CSPG5: variants seen among roughly 807,000 people sequenced by gnomAD.
CSPG5 encodes the protein chondroitin sulfate proteoglycan 5, also known as acidic leucine-rich EGF-like domain-containing brain protein.
CSPG5 carries 25 observed loss-of-function variants against 39.8 expected under a neutral mutation model. That is an observed-to-expected ratio of 0.63 (90% confidence interval 0.46 to 0.88). The LOEUF (loss-of-function observed/expected upper bound fraction) is 0.88, where lower values mean the gene tolerates loss of function less well. Among genes scored for constraint, CSPG5 ranks in the 40% least tolerant of loss-of-function variants. The probability of loss-of-function intolerance (pLI) is 0.00; values close to 1 mark genes in which losing one functional copy is unlikely to be tolerated. For synonymous variants in CSPG5, 295 were observed against 303.9 expected, an observed-to-expected ratio of 0.97 and a Z score of 0.31; for missense variants, 627 against 702.2, an observed-to-expected ratio of 0.89 and a Z score of 1.21.
rs2031105190 is a variant in CSPG5 at position 47,562,299 on chromosome 3, G to C, written c.*301C>G. 1 of 246,190 alleles carries C rather than the reference G, an allele frequency of 4.1e-6. No individual in the cohort carries two copies. 15.3% of individuals were successfully genotyped at this position (246,190 alleles called of 1,614,324 possible). ...TTTTACTGGTATTTCAAAAAAACGT[G>C]GGTCAAAGTACAAAAAAAAGTCAGT... is the stretch of plus-strand genomic sequence containing the variant. On this transcript the variant is annotated 3_prime_UTR_variant, in exon 5 of 5. Transcript: ENST00000264723.
chr3:47,570,636 T>G (rs1017793273), intron 3 of CSPG5, among the ~76,000 whole-genome samples: 2 of 151,764 alleles, frequency 1.3e-5, no homozygotes, highest in African/African-American at 4.8e-5. Flanking sequence ...GCCTCCCGAG[T>G]AGCTGGGATT....
intron 3 of CSPG5, among the ~76,000 whole-genome samples, chr3:47,570,054 C>A (rs536271407): frequency 6.6e-6 from 1 of 151,866 alleles, no homozygotes; most frequent in Non-Finnish European, 1.5e-5. Context: ...CAGTCAAATA[C>A]TGTATTTCAT....
rs1260734320 is a variant in CSPG5 at position 47,572,605 on chromosome 3, G to A, written c.1382+81C>T. 2.5e-6 allele frequency: 3 copies of A among 1,210,858 alleles called. No homozygotes were observed. In the African/African-American group the frequency reaches 4.5e-5, roughly 18 times the overall value. The allele number at this position is 1,210,858 out of a possible 1,614,324, so 75.0% of individuals were successfully genotyped here. A position where few individuals can be genotyped will look rare whatever the true frequency, so the allele number is the denominator to read the frequency against. On this transcript the variant is annotated intron_variant, in intron 3 of 4. Transcript: ENST00000264723. The surrounding 1 kb of genome is among the most constrained non-coding windows in gnomAD (Gnocchi z 4.5). Reference sequence around the variant, plus strand: ...CAGAAACCCTCACGACAAAGTCCCTGGATCAGTTGGAGGGGTGCAGCAGCG... The same window carrying A: ...CAGAAACCCTCACGACAAAGTCCCTAGATCAGTTGGAGGGGTGCAGCAGCG...
At chr3:47,567,884 T>C (rs889802092) in intron 4 of CSPG5, among the ~76,000 whole-genome samples, 3 of 152,166 alleles carry the variant, frequency 2.0e-5, no homozygotes, top group African/African-American at 7.2e-5. Context: ...TGGTGGCACA[T>C]GCCTCTAGTC....
In CSPG5 at chr3:47,578,066, G is replaced by T. The variant is rs750815387; in HGVS notation, c.98-138C>A. ...GCCACCCTCAGACCCCACCGCCCCA[G>T]TGTGACCCCAGCCACCCGGTACCTC... On this transcript the variant is annotated intron_variant, in intron 1 of 4. Coordinates refer to ENST00000264723, the MANE Select transcript of CSPG5 (RefSeq NM_006574.4). The surrounding 1 kb of genome is among the most constrained non-coding windows in gnomAD (Gnocchi z 6.0). 12 of 1,252,208 alleles carry T rather than the reference G, an allele frequency of 9.6e-6. No individual in the cohort carries two copies. The East Asian group carries it at 3.5e-4, about 37-fold the overall frequency. 77.6% of individuals were successfully genotyped at this position (1,252,208 alleles called of 1,614,324 possible).
chr3:47,572,547 C>G lies in CSPG5; in HGVS notation c.1382+139G>C, dbSNP rs2031561485. On this transcript the variant is annotated intron_variant, in intron 3 of 4. Transcript: ENST00000264723. The surrounding 1 kb of genome is among the most constrained non-coding windows in gnomAD (Gnocchi z 4.5). ...GATGAGCCTGAGTGAATTTTTAGCA[C>G]AGACAAAACAGCTGGGAATGGAGCA... 1 of 735,256 alleles carries G rather than the reference C, an allele frequency of 1.4e-6. No homozygotes were observed. The highest frequency in any genetic ancestry group is 2.3e-6 in the Non-Finnish European group (1 of 434,366). The allele number at this position is 735,256 out of a possible 1,614,324, so 45.5% of individuals were successfully genotyped here.
chr3:47,567,676 T>C (rs2031363166), intron 4 of CSPG5, among the ~76,000 whole-genome samples: 3 of 152,238 alleles, frequency 2.0e-5, no homozygotes, highest in Non-Finnish European at 4.4e-5. Context: ...CATTTACTCT[T>C]ATTCTCTCTT....
In CSPG5 at chr3:47,562,766, A is replaced by G. The variant is rs764081281; in HGVS notation, c.1459-5T>C. 6.3e-7 allele frequency: 1 copy of G among 1,582,870 alleles called. No homozygotes were observed. The highest frequency in any genetic ancestry group is 1.4e-5 in the African/African-American group (1 of 73,938). ...GTGGGGAGCACTAGGATCATCCTGG[A>G]AGAGGGAAAAAGTTGGGGGGGGGGA... is the stretch of plus-strand genomic sequence containing the variant. On this transcript the variant is annotated splice_region_variant and splice_polypyrimidine_tract_variant and intron_variant, in intron 4 of 4. Coordinates refer to ENST00000264723, the MANE Select transcript of CSPG5 (RefSeq NM_006574.4).
At chr3:47,567,209 G>A (rs545700338) in intron 4 of CSPG5, among the ~76,000 whole-genome samples, 56 of 152,242 alleles carry the variant, frequency 3.7e-4, no homozygotes, top group African/African-American at 9.6e-4. Flanking sequence ...CTGTCCAACC[G>A]TGGACAGTGA....
Position 47,578,345 on chromosome 3 carries a change from GC to G in CSPG5, c.97+251del. 2.1e-5 allele frequency among the ~76,000 whole-genome samples: 2 copies of G among 95,168 alleles called. No homozygotes were observed. The highest frequency in any genetic ancestry group is 0.011 in the Middle Eastern group (2 of 186). The allele number at this position is 95,168 out of a possible 152,430, so 62.4% of individuals were successfully genotyped here. On this transcript the variant is annotated intron_variant, in intron 1 of 4. Coordinates refer to ENST00000264723, the MANE Select transcript of CSPG5 (RefSeq NM_006574.4). The surrounding 1 kb of genome is among the most constrained non-coding windows in gnomAD (Gnocchi z 6.0). ...CGGCCCCGCCCCGGCCCCGCCCCCG[GC>G]CCCGCCCCCAGTCCGCACCGCGGCC...
chr3:47,566,575 C>T (rs1487267593), intron 4 of CSPG5, among the ~76,000 whole-genome samples: 1 of 152,164 alleles, frequency 6.6e-6, no homozygotes, highest in Non-Finnish European at 1.5e-5. Flanking sequence ...GGAGAGTCAC[C>T]CCTCACATCC....
At chr3:47,579,188 A>T (rs1444532705), upstream of CSPG5, 1 of 152,252 alleles carries the variant, frequency 6.6e-6, no homozygotes, top group Non-Finnish European at 1.5e-5. The surrounding 1 kb of genome is among the most constrained non-coding windows in gnomAD (Gnocchi z 4.2). Flanking sequence ...CCCACCCGCC[A>T]CGCGGCAAGC....
intron 4 of CSPG5, among the ~76,000 whole-genome samples, chr3:47,565,835 C>T (rs971099486): frequency 2.6e-4 from 39 of 152,352 alleles, no homozygotes; most frequent in South Asian, 2.1e-4. Flanking sequence ...AGTGTTGGGG[C>T]AGCTGCCCTG....
At chr3:47,568,101 C>A (rs2031383316) in intron 4 of CSPG5, among the ~76,000 whole-genome samples, 1 of 152,240 alleles carries the variant, frequency 6.6e-6, no homozygotes, top group South Asian at 2.1e-4. Flanking sequence ...TGAGGTCTGA[C>A]ACTCTATGGT....
rs1366394295 is a variant in CSPG5, at chr3:47,577,464, C to T, written c.562G>A (p.Gly188Arg). 1.9e-6 allele frequency: 3 copies of T among 1,613,990 alleles called. No individual in the cohort carries two copies. The highest frequency in any genetic ancestry group is 1.7e-6 in the Non-Finnish European group (2 of 1,179,990). Residue 188 changes from glycine (G) to arginine (R), a missense_variant, in exon 2 of 5, where the codon GGG (glycine) becomes AGG (arginine). Gly to Arg is a moderately radical substitution (Grantham distance 125, BLOSUM62 -2). Coordinates refer to ENST00000264723, the MANE Select transcript of CSPG5 (RefSeq NM_006574.4). The surrounding 1 kb of genome is among the most constrained non-coding windows in gnomAD (Gnocchi z 4.7). ...NLGGSTPDPQ[G>R]PELTYPFQGT... ...TGAAATGGGTAAGTCAGCTCTGGCCCTTGAGGGTCGGGTGTGCTGCCCCCC... is the reference window on the plus strand; with the variant it reads ...TGAAATGGGTAAGTCAGCTCTGGCCTTTGAGGGTCGGGTGTGCTGCCCCCC...
chr3:47,575,163 C>T lies in CSPG5; in HGVS notation c.1193+1670G>A, dbSNP rs560745543. 2.3e-4 allele frequency among the ~76,000 whole-genome samples: 35 copies of T among 152,308 alleles called. No individual in the cohort carries two copies. In the East Asian group the frequency reaches 5.6e-3, roughly 24 times the overall value. Reference sequence around the variant, plus strand: ...TACCCTGGCCGGGCGTGGTGGCTCACGCCTGTAATCCCAGCACTTTGAGAG... The same window carrying T: ...TACCCTGGCCGGGCGTGGTGGCTCATGCCTGTAATCCCAGCACTTTGAGAG... On this transcript the variant is annotated intron_variant, in intron 2 of 4. Transcript: ENST00000264723.
chr3:47,568,730 T>C (rs1237860931), intron 4 of CSPG5, among the ~76,000 whole-genome samples: 1 of 152,146 alleles, frequency 6.6e-6, no homozygotes, highest in Non-Finnish European at 1.5e-5. Context: ...GAAAAAGATC[T>C]TCTCAGCCAG....
At chr3:47,568,325 T>G (rs1460142066) in intron 4 of CSPG5, among the ~76,000 whole-genome samples, 1 of 152,222 alleles carries the variant, frequency 6.6e-6, no homozygotes, top group African/African-American at 2.4e-5. Flanking sequence ...AAATTCTCTC[T>G]AGTATTTGAC....
intron 4 of CSPG5, among the ~76,000 whole-genome samples, chr3:47,564,262 T>C (rs191328099): frequency 7.9e-5 from 12 of 152,294 alleles, no homozygotes; most frequent in Non-Finnish European, 1.5e-4. Context: ...CTACCAAGTT[T>C]GACCCATAAC....
Sources: allele counts gnomAD v4.1 joint callset (sites outside exome capture counted in the v4.1 genomes callset), GRCh38; gene constraint gnomAD v4.1.1; non-coding constraint Gnocchi (gnomAD v3.1); transcripts MANE v1.5; gene names NCBI Gene and HGNC (gene_info 2026-07-23, HGNC 2026-07-21).